Variants in PTPN4 observed in about 807,000 individuals in gnomAD.
PTPN4 encodes protein tyrosine phosphatase non-receptor type 4, also known as tyrosine-protein phosphatase non-receptor type 4.
Under a neutral mutation model 135.5 loss-of-function variants are expected in PTPN4, and 49 were observed. That is an observed-to-expected ratio of 0.36 (90% CI 0.29 to 0.46). PTPN4 has a LOEUF of 0.46. Ranked by LOEUF, PTPN4 falls within the 20% of genes least tolerant of loss-of-function variation. The pLI, the probability that PTPN4 is intolerant of heterozygous loss-of-function variation, is 1.00. For synonymous variants in PTPN4, 333 were observed against 369.9 expected, an observed-to-expected ratio of 0.90 and a Z score of 1.14; for missense variants, 860 against 1,101.0, an observed-to-expected ratio of 0.78 and a Z score of 3.10.
chr2:119,795,068 G>C (rs1453756527), intron 1 of PTPN4, among the ~76,000 whole-genome samples: 1 of 152,132 alleles, frequency 6.6e-6, no homozygotes, highest in African/African-American at 2.4e-5. Context: ...TGTCTCCTCA[G>C]CTCTGAGCAG....
intron 1 of PTPN4, among the ~76,000 whole-genome samples, chr2:119,762,428 TGAG>T (rs1408085994): frequency 2.0e-5 from 3 of 152,090 alleles, no homozygotes; most frequent in African/African-American, 4.8e-5. Context: ...TAAACATAAT[TGAG>T]GTGTACAGTA....
rs570021535 is a variant in PTPN4, at chr2:119,931,900, T to C, written c.1071-524T>C. ...GAAAAAAGGGAAAAATCCACTAACCTACTATATGTAAACAATTTTTTAAGT... is the reference window on the plus strand; with the variant it reads ...GAAAAAAGGGAAAAATCCACTAACCCACTATATGTAAACAATTTTTTAAGT... On this transcript the variant is annotated intron_variant, in intron 13 of 26. Coordinates refer to ENST00000263708, the MANE Select transcript of PTPN4 (RefSeq NM_002830.4). Among the ~76,000 whole-genome samples, 7 of 152,328 alleles carry C rather than the reference T, an allele frequency of 4.6e-5. No homozygotes were observed. The East Asian group carries it at 1.3e-3, about 29-fold the overall frequency.
chr2:119,977,214 C>T lies in PTPN4; in HGVS notation c.*144C>T. The T allele has an allele frequency of 7.9e-7, 1 of 1,271,372 alleles. No individual in the cohort carries two copies. The highest frequency in any genetic ancestry group is 1.0e-6 in the Non-Finnish European group (1 of 987,366). The allele number at this position is 1,271,372 out of a possible 1,614,324, so 78.8% of individuals were successfully genotyped here. The stretch of plus-strand genomic sequence containing the variant: ...CTTTGAAAACTTCAGCACTGTTGCA[C>T]TTTATGTTTTAAAAAATGTCACTCT... On this transcript the variant is annotated 3_prime_UTR_variant, in exon 27 of 27. Coordinates refer to ENST00000263708, the MANE Select transcript of PTPN4 (RefSeq NM_002830.4).
At chr2:119,929,411 C>T (rs1678869537) in intron 13 of PTPN4, among the ~76,000 whole-genome samples, 1 of 151,994 alleles carries the variant, frequency 6.6e-6, no homozygotes, top group African/African-American at 2.4e-5. Context: ...TTAAACTTCT[C>T]ATATAATAAT....
rs1679736686 is a variant in PTPN4 at position 119,984,455 on chromosome 2, T to C, written c.*7385T>C. ...GAATTGGTCCCTTAGTTTTTTAGAT[T>C]ACCTTTCCCCCTATATCACAAAAAT... On this transcript the variant is annotated 3_prime_UTR_variant, in exon 27 of 27. Coordinates refer to ENST00000263708, the MANE Select transcript of PTPN4 (RefSeq NM_002830.4). 6.6e-6 allele frequency among the ~76,000 whole-genome samples: 1 copy of C among 152,230 alleles called. No individual in the cohort carries two copies. Among genetic ancestry groups the C allele is most frequent in the Non-Finnish European group, 1.5e-5 (1 of 68,032 alleles).
At chr2:119,765,933 T>TGTGTGTGCGC (rs1553430617) in intron 1 of PTPN4, among the ~76,000 whole-genome samples, 4 of 151,036 alleles carry the variant, frequency 2.6e-5, no homozygotes, top group Admixed American at 2.0e-4. Context: ...TGTGTGTGTG[T>TGTGTGTGCGC]GCGCGCGCGC....
At chr2:119,807,695 A>G (rs903447192) in intron 1 of PTPN4, among the ~76,000 whole-genome samples, 4 of 152,220 alleles carry the variant, frequency 2.6e-5, no homozygotes, top group Admixed American at 2.6e-4. Context: ...AATCAATAGA[A>G]AAAGAGAGAA....
In PTPN4 at chr2:119,834,761, A is replaced by G. The variant is rs115289628; in HGVS notation, c.138+24770A>G. Among the ~76,000 whole-genome samples the G allele has an allele frequency of 3.2e-3, 494 of 152,110 alleles. 2 individuals are homozygous for G. Among genetic ancestry groups the G allele is most frequent in the African/African-American group, 0.011 (467 of 41,480 alleles). On this transcript the variant is annotated intron_variant, in intron 2 of 26. Coordinates refer to ENST00000263708, the MANE Select transcript of PTPN4 (RefSeq NM_002830.4). ...TGAATGATCTTTACAAGTCTGTGTA[A>G]TCTCCCTGTGCCTCAGTTTTTCATC...
rs1212673037 is a variant in PTPN4, at chr2:119,980,445, A to G, written c.*3375A>G. The G allele has an allele frequency of 6.6e-6, 1 of 151,972 alleles. No homozygotes were observed. Among genetic ancestry groups the G allele is most frequent in the Non-Finnish European group, 1.5e-5 (1 of 67,924 alleles). The allele number at this position is 151,972 out of a possible 1,614,324, so 9.4% of individuals were successfully genotyped here. A position where few individuals can be genotyped will look rare whatever the true frequency, so the allele number is the denominator to read the frequency against. ...AGCTGAAAGGAACTTGAAAAATGTT[A>G]TCCAGTCTTCACTTAGCCCATTTTT... On this transcript the variant is annotated 3_prime_UTR_variant, in exon 27 of 27. Transcript: ENST00000263708.
chr2:119,803,482 G>A (rs923211549), intron 1 of PTPN4, among the ~76,000 whole-genome samples: 2 of 152,110 alleles, frequency 1.3e-5, no homozygotes, highest in Non-Finnish European at 2.9e-5. Flanking sequence ...TTTTTCTGTT[G>A]TCTTTCTGTT....
intron 24 of PTPN4, among the ~76,000 whole-genome samples, chr2:119,964,362 TCTTA>T (rs561612529): frequency 1.3e-5 from 2 of 152,222 alleles, no homozygotes; most frequent in Non-Finnish European, 2.9e-5. Flanking sequence ...AACGCAATAC[TCTTA>T]CTGTCTCCGT....
At position 119,920,235 on chromosome 2, in the gene PTPN4, G is replaced by A. The variant is rs778657472; in HGVS notation, c.995G>A (p.Arg332Gln). The A allele has an allele frequency of 4.1e-5, 66 of 1,607,484 alleles. No homozygotes were observed. Among genetic ancestry groups the A allele is most frequent in the Non-Finnish European group, 5.3e-5 (62 of 1,176,008 alleles). The change falls in exon 12 of 27, where the codon CGG (arginine) becomes CAG (glutamine). Residue 332 changes from arginine to glutamine, a missense_variant. Transcript: ENST00000263708. ...TATTTTACATTAGGTTCAAAATTCCGGTACTGGTAAGTATTGCTTCTGTGT... is the reference window on the plus strand; with the variant it reads ...TATTTTACATTAGGTTCAAAATTCCAGTACTGGTAAGTATTGCTTCTGTGT... Reference protein sequence around the residue: ...AHYFTLGSKFRYCGRTEVQSV... With the variant: ...AHYFTLGSKFQYCGRTEVQSV...
At chr2:119,893,493 G>A (rs936995927) in intron 9 of PTPN4, among the ~76,000 whole-genome samples, 4 of 152,194 alleles carry the variant, frequency 2.6e-5, no homozygotes, top group African/African-American at 9.7e-5. Context: ...ACCTGGAGTT[G>A]AGAGGAAAAG....
chr2:119,892,777 A>T (rs1001787019), intron 9 of PTPN4, among the ~76,000 whole-genome samples: 1 of 149,794 alleles, frequency 6.7e-6, no homozygotes, highest in African/African-American at 2.5e-5. Context: ...GCTGGAGTGC[A>T]TTGGTGCAAT....
At chr2:119,844,145 C>T (rs1435972766) in intron 2 of PTPN4, among the ~76,000 whole-genome samples, 1 of 89,076 alleles carries the variant, frequency 1.1e-5, no homozygotes, top group Non-Finnish European at 2.3e-5. Flanking sequence ...GCTGGCCGGG[C>T]GGGGGGCCGA....
At chr2:119,923,682 C>G (rs1303985344) in intron 12 of PTPN4, among the ~76,000 whole-genome samples, 2 of 151,792 alleles carry the variant, frequency 1.3e-5, no homozygotes, top group Non-Finnish European at 2.9e-5. Flanking sequence ...AAAAAAATAA[C>G]TTTTTATCAG....
At chr2:119,883,264 G>A (rs929233756) in intron 8 of PTPN4, among the ~76,000 whole-genome samples, 28 of 152,104 alleles carry the variant, frequency 1.8e-4, no homozygotes, top group African/African-American at 6.7e-4. Context: ...TGTATAAAGT[G>A]TATATGAAAC....
intron 1 of PTPN4, among the ~76,000 whole-genome samples, chr2:119,769,320 T>C (rs1233536607): frequency 6.6e-6 from 1 of 152,254 alleles, no homozygotes; most frequent in African/African-American, 2.4e-5. Flanking sequence ...ATTGATAATC[T>C]CAGCTAGTTG....
chr2:119,899,090 G>T (rs1444802513), intron 9 of PTPN4, among the ~76,000 whole-genome samples: 1 of 152,184 alleles, frequency 6.6e-6, no homozygotes, highest in East Asian at 1.9e-4. Context: ...GGAATACAAA[G>T]CCAGCTACAA....
Sources: allele counts gnomAD v4.1 joint callset (sites outside exome capture counted in the v4.1 genomes callset), GRCh38; gene constraint gnomAD v4.1.1; transcripts MANE v1.5; gene names NCBI Gene and HGNC (gene_info 2026-07-23, HGNC 2026-07-21).